Variants in CDC40 observed in about 807,000 individuals in gnomAD.
The protein encoded by CDC40 is pre-mRNA-processing factor 17.
CDC40 carries 27 observed loss-of-function variants against 80.6 expected under a neutral mutation model. The observed-to-expected ratio is 0.33, with a 90% CI of 0.25 to 0.46. The LOEUF is 0.46. Ranked by LOEUF, CDC40 falls within the 20% of genes least tolerant of loss-of-function variation. CDC40 has a pLI of 1.00. For synonymous variants in CDC40, 221 were observed against 232.6 expected (o/e 0.95, Z 0.45); for missense variants, 486 against 694.1 (o/e 0.70, Z 3.37).
rs1171521748 is a variant in CDC40 at position 110,193,210 on chromosome 6, A to T, written c.218A>T (p.Asp73Val). Residue 73 changes from aspartate to valine, a missense_variant, in exon 2 of 15, where the codon GAC becomes GTC. Transcript: ENST00000307731. ...KEDLETGVHL[D>V]PAVKEVQYNP... Reference sequence around the variant, plus strand: ...GATTTGGAGACTGGAGTTCACCTTGACCCTGCCGTCAAAGAAGTTCAGTAT... The same window carrying T: ...GATTTGGAGACTGGAGTTCACCTTGTCCCTGCCGTCAAAGAAGTTCAGTAT... 1 of 1,608,556 alleles carries T rather than the reference A, an allele frequency of 6.2e-7. No individual in the cohort carries two copies. The highest frequency in any genetic ancestry group is 8.5e-7 in the Non-Finnish European group (1 of 1,175,044).
At chr6:110,213,037 G>C in intron 7 of CDC40, 49 bp from the exon 8 acceptor site, 1 of 1,219,446 alleles carries the variant, frequency 8.2e-7, no homozygotes, top group Non-Finnish European at 1.2e-6. Context: ...CTTCATTTGA[G>C]CTGATCTTTT....
intron 1 of CDC40, among the ~76,000 whole-genome samples, chr6:110,190,538 G>T (rs968566357): frequency 6.6e-6 from 1 of 152,176 alleles, no homozygotes; most frequent in Non-Finnish European, 1.5e-5. Context: ...GAGTCATGGG[G>T]GAATGGTAAG....
Position 110,219,467 on chromosome 6 carries a change from G to T in CDC40, c.1194G>T (p.Lys398Asn). 6.3e-7 allele frequency: 1 copy of T among 1,579,472 alleles called. No individual in the cohort carries two copies. Among genetic ancestry groups the T allele is most frequent in the Non-Finnish European group, 8.7e-7 (1 of 1,148,980 alleles). ...TCTTTGTGGCTGGGATGTCTGATAA[G>T]AAGATTGTGCAAGTAAGTCTTTCAC... ...QNLFVAGMSD[K>N]KIVQWDIRSG... Residue 398 changes from lysine to asparagine, a missense_variant, in exon 11 of 15, where the codon AAG becomes AAT. This residue lies in a region of CDC40 where 381 missense variants were observed against 492.1 expected (regional missense o/e 0.77). Transcript: ENST00000307731.
At chr6:110,190,962 G>GTGATT (rs1777339514) in intron 1 of CDC40, among the ~76,000 whole-genome samples, 1 of 152,160 alleles carries the variant, frequency 6.6e-6, no homozygotes, top group Non-Finnish European at 1.5e-5. Context: ...ATCGTTAGGT[G>GTGATT]TGATTAAGGC....
intron 8 of CDC40, among the ~76,000 whole-genome samples, chr6:110,214,194 C>A (rs1423307710): frequency 4.6e-5 from 7 of 152,094 alleles, no homozygotes; most frequent in Admixed American, 3.3e-4. Context: ...TTAACTTTTA[C>A]TTTTACTTTG....
In CDC40 at chr6:110,212,202, G is replaced by A. The variant is rs760746039; in HGVS notation, c.797G>A (p.Arg266Gln). The change falls in exon 7 of 15, where the codon CGG (arginine) becomes CAG (glutamine). Residue 266 changes from arginine (R) to glutamine (Q), a missense_variant. Arg to Gln is a conservative substitution (Grantham distance 43). This residue lies in a region of CDC40 where 381 missense variants were observed against 492.1 expected (regional missense o/e 0.77). Coordinates refer to ENST00000307731, the MANE Select transcript of CDC40 (RefSeq NM_015891.3). Reference sequence around the variant, plus strand: ...CCTCAGGATGTTGGTGTTAATCTACGGTCAACTATGCCACCTGAGAAGTGT... The same window carrying A: ...CCTCAGGATGTTGGTGTTAATCTACAGTCAACTATGCCACCTGAGAAGTGT... ...HIPQDVGVNL[R>Q]STMPPEKCYL... is the part of the protein sequence containing the mutation. 21 of 1,613,368 alleles carry A rather than the reference G, an allele frequency of 1.3e-5. No individual in the cohort carries two copies. The highest frequency in any genetic ancestry group is 3.3e-5 in the South Asian group (3 of 91,056).
At position 110,228,916 on chromosome 6, in the gene CDC40, T is replaced by A. The variant is rs376777025; in HGVS notation, c.1502T>A (p.Ile501Asn). ...AGATTTAGATTAAATAAGAAAAAAA[T>A]TTTTAAGGGCCATATGGTAGCAGGC... Reference protein sequence around the residue: ...QNRFRLNKKKIFKGHMVAGYA... With the variant: ...QNRFRLNKKKNFKGHMVAGYA... Residue 501 changes from isoleucine to asparagine, a missense_variant, in exon 14 of 15, where the codon ATT (isoleucine) becomes AAT (asparagine). Transcript: ENST00000307731. 47 of 1,606,758 alleles carry A rather than the reference T, an allele frequency of 2.9e-5. No homozygotes were observed. The highest frequency in any genetic ancestry group is 3.4e-5 in the Admixed American group (2 of 58,580).
At chr6:110,227,767 G>A (rs1004641363) in intron 13 of CDC40, among the ~76,000 whole-genome samples, 12 of 152,148 alleles carry the variant, frequency 7.9e-5, no homozygotes, top group African/African-American at 1.7e-4. Context: ...ATAAGTAATC[G>A]AGAGGTGATT....
At chr6:110,210,145 G>A (rs1777616732) in intron 5 of CDC40, among the ~76,000 whole-genome samples, 1 of 151,130 alleles carries the variant, frequency 6.6e-6, no homozygotes, top group Non-Finnish European at 1.5e-5. Context: ...TTTATTTCTA[G>A]GTGTCACAGA....
At position 110,189,655 on chromosome 6, in the gene CDC40, C is replaced by A. The variant is rs1050628485; in HGVS notation, c.190-3527C>A. Among the ~76,000 whole-genome samples, 4 of 152,312 alleles carry A rather than the reference C, an allele frequency of 2.6e-5. No homozygotes were observed. In the South Asian group the frequency reaches 8.3e-4, roughly 32 times the overall value. On this transcript the variant is annotated intron_variant, in intron 1 of 14. Transcript: ENST00000307731. ...TTCCCTCCTACCTCTTCTAGGGCAA[C>A]TGTACCTTTATCTGGTCCTTTTTGT...
chr6:110,200,942 T>C (rs929572533), intron 2 of CDC40, among the ~76,000 whole-genome samples: 9 of 152,244 alleles, frequency 5.9e-5, no homozygotes, highest in African/African-American at 2.2e-4. Flanking sequence ...AGATATTTTA[T>C]TGACATTTGC....
chr6:110,225,813 T>C (rs1048821198), intron 12 of CDC40, among the ~76,000 whole-genome samples: 1 of 152,244 alleles, frequency 6.6e-6, no homozygotes, highest in African/African-American at 2.4e-5. Flanking sequence ...ATGAATTATA[T>C]AGTGGTGAAT....
chr6:110,180,913 T>C (rs1777177549), intron 1 of CDC40, among the ~76,000 whole-genome samples: 1 of 152,212 alleles, frequency 6.6e-6, no homozygotes, highest in African/African-American at 2.4e-5. Flanking sequence ...GCCTGGAAAG[T>C]GCAGGTGTAA....
intron 8 of CDC40, among the ~76,000 whole-genome samples, chr6:110,213,701 G>A (rs1007906840): frequency 6.6e-6 from 1 of 152,124 alleles, no homozygotes; most frequent in Non-Finnish European, 1.5e-5. Flanking sequence ...GAGGACATAG[G>A]TTAGAAATCC....
intron 12 of CDC40, among the ~76,000 whole-genome samples, chr6:110,223,192 G>C (rs7766850): frequency 0.28 from 43,130 of 151,896 alleles, 7,799 homozygotes; most frequent in African/African-American, 0.52. Context: ...TCAAGCGATC[G>C]TCCTGCCTTA....
chr6:110,181,079 T>C (rs1777181233), intron 1 of CDC40, among the ~76,000 whole-genome samples: 1 of 152,242 alleles, frequency 6.6e-6, no homozygotes, highest in Non-Finnish European at 1.5e-5. Flanking sequence ...CTTTCTTTCC[T>C]CACCTGTACA....
intron 1 of CDC40, among the ~76,000 whole-genome samples, chr6:110,191,902 C>T (rs527485054): frequency 5.9e-5 from 9 of 152,236 alleles, no homozygotes; most frequent in Admixed American, 3.9e-4. Flanking sequence ...AATTTCTTTA[C>T]AATTTTTAAA....
intron 3 of CDC40, among the ~76,000 whole-genome samples, chr6:110,204,352 G>A (rs1777534702): frequency 6.6e-6 from 1 of 152,052 alleles, no homozygotes; most frequent in Non-Finnish European, 1.5e-5. Context: ...ACAGTCTACT[G>A]AACAAAGATA....
chr6:110,185,803 A>AT (rs1270986245), intron 1 of CDC40, among the ~76,000 whole-genome samples: 4 of 152,188 alleles, frequency 2.6e-5, no homozygotes, highest in Non-Finnish European at 5.9e-5. Flanking sequence ...AGCCATGGCA[A>AT]TTTTTTTAAA....
Sources: gnomAD v4.1 joint callset for allele counts (sites outside exome capture counted in the v4.1 genomes callset) on GRCh38, gnomAD v4.1.1 for gene constraint, gnomAD v4.1.1 regional missense constraint, MANE v1.5 for transcripts, NCBI Gene and HGNC (gene_info 2026-07-23, HGNC 2026-07-21) for gene names.